SLC60A2: variants seen among roughly 807,000 people sequenced by gnomAD.
SLC60A2 encodes major facilitator superfamily domain containing 4B.
the SLC60A2 span, among the ~76,000 whole-genome samples, chr6:111,277,758 T>TG: frequency 6.6e-6 from 1 of 152,238 alleles, no homozygotes; most frequent in Non-Finnish European, 1.5e-5. Context: ...TCTATGTCTT[T>TG]GGGGTAATTT....
chr6:111,271,800 A>AAAAAAAAAAAAAAAAC, the SLC60A2 span, among the ~76,000 whole-genome samples: 1 of 97,892 alleles, frequency 1.0e-5, no homozygotes, highest in Non-Finnish European at 2.4e-5. Flanking sequence ...AAAAAAAAAA[A>AAAAAAAAAAAAAAAAC]AAAAAAGTAC....
the SLC60A2 span, chr6:111,266,071 CAGAAGCTCTGTTTGGAGTACCTAATGAT>C: frequency 6.2e-7 from 1 of 1,614,142 alleles, no homozygotes; most frequent in Non-Finnish European, 8.5e-7. Flanking sequence ...GATGCTGACT[CAGAAGCTCTGTTTGGAGTACCTAATGAT>C]AAGAATTTAC....
chr6:111,268,426 A>G, the SLC60A2 span: 1 of 152,246 alleles, frequency 6.6e-6, no homozygotes, highest in Non-Finnish European at 1.5e-5. Context: ...GTGTTTTACA[A>G]TCAGTGGCTT....
At chr6:111,272,948 A>G in the SLC60A2 span, among the ~76,000 whole-genome samples, 1 of 151,666 alleles carries the variant, frequency 6.6e-6, no homozygotes, top group African/African-American at 2.4e-5. Flanking sequence ...CTCCTGCCTC[A>G]GCCTCCCAAG....
At chr6:111,268,604 T>C in the SLC60A2 span, 1 of 152,258 alleles carries the variant, frequency 6.6e-6, no homozygotes, top group Non-Finnish European at 1.5e-5. Context: ...AGTAGGGCTG[T>C]AGATGGGGTC....
chr6:111,279,812 C>T, the SLC60A2 span, among the ~76,000 whole-genome samples: 1 of 152,096 alleles, frequency 6.6e-6, no homozygotes, highest in Non-Finnish European at 1.5e-5. Flanking sequence ...TGGTGGCTCA[C>T]ACCTGTAATC....
the SLC60A2 span, chr6:111,278,357 ATTG>A: frequency 1.3e-5 from 2 of 152,148 alleles, no homozygotes; most frequent in Non-Finnish European, 2.9e-5. Context: ...TCAAGGTTTT[ATTG>A]TTTTTTAGAT....
At chr6:111,265,205 T>C in the SLC60A2 span, 1 of 814,170 alleles carries the variant, frequency 1.2e-6, no homozygotes, top group Non-Finnish European at 1.5e-6. Context: ...TATTTTACTT[T>C]AGGGTTAATT....
At chr6:111,262,513 A>C in the SLC60A2 span, 1 of 1,286,182 alleles carries the variant, frequency 7.8e-7, no homozygotes, top group Non-Finnish European at 1.1e-6. Context: ...AGCATGCAGA[A>C]TGGTTGGCCA....
At chr6:111,271,865 G>A in the SLC60A2 span, among the ~76,000 whole-genome samples, 5 of 150,332 alleles carry the variant, frequency 3.3e-5, no homozygotes, top group African/African-American at 1.2e-4. Flanking sequence ...CTTCTGGGGA[G>A]GCTGAGGCAC....
At chr6:111,279,480 C>A in the SLC60A2 span, among the ~76,000 whole-genome samples, 1 of 151,718 alleles carries the variant, frequency 6.6e-6, no homozygotes. Context: ...GATCTCTTGA[C>A]CTCGTGATCC....
chr6:111,261,355 C>G, the SLC60A2 span, among the ~76,000 whole-genome samples: 1 of 152,182 alleles, frequency 6.6e-6, no homozygotes, highest in Non-Finnish European at 1.5e-5. Context: ...GTGGCTCAGT[C>G]AGAACTCACT....
chr6:111,261,176 G>A, the SLC60A2 span, among the ~76,000 whole-genome samples: 1 of 152,190 alleles, frequency 6.6e-6, no homozygotes, highest in African/African-American at 2.4e-5. Flanking sequence ...TTCTGATGGC[G>A]TGGAAGAAAA....
the SLC60A2 span, among the ~76,000 whole-genome samples, chr6:111,277,764 A>G: frequency 6.6e-6 from 1 of 152,152 alleles, no homozygotes; most frequent in Non-Finnish European, 1.5e-5. Flanking sequence ...TCTTTGGGGT[A>G]ATTTTTGATT....
At chr6:111,266,868 G>T in the SLC60A2 span, 2 of 1,613,972 alleles carry the variant, frequency 1.2e-6, no homozygotes, top group African/African-American at 2.7e-5. Flanking sequence ...CGGGCTAAAT[G>T]AATATGAGGA....
At chr6:111,265,757 A>G in the SLC60A2 span, 1 of 766,824 alleles carries the variant, frequency 1.3e-6, no homozygotes, top group Non-Finnish European at 2.1e-6. Context: ...GATAATTAGA[A>G]TATTATAATG....
the SLC60A2 span, chr6:111,266,984 T>G: frequency 6.2e-7 from 1 of 1,614,230 alleles, no homozygotes; most frequent in Non-Finnish European, 8.5e-7. Context: ...CTAGAAGTAG[T>G]CTGACGGAGC....
chr6:111,267,232 C>T, the SLC60A2 span: 4 of 1,068,894 alleles, frequency 3.7e-6, no homozygotes, highest in Non-Finnish European at 5.3e-6. Flanking sequence ...ATTTTTAGGT[C>T]CATATTATAG....
chr6:111,277,476 T>C, the SLC60A2 span, among the ~76,000 whole-genome samples: 1 of 152,222 alleles, frequency 6.6e-6, no homozygotes, highest in Non-Finnish European at 1.5e-5. Flanking sequence ...TCCAAATTCA[T>C]GCATTTCAGT....
Sources: gnomAD v4.1 joint callset for allele counts (sites outside exome capture counted in the v4.1 genomes callset) on GRCh38, gnomAD v4.1.1 for gene constraint, MANE v1.5 for transcripts, NCBI Gene and HGNC (gene_info 2026-07-23, HGNC 2026-07-21) for gene names.